Variants in LPP observed in about 807,000 individuals in gnomAD.
LPP encodes the protein LIM domain containing preferred translocation partner in lipoma, also known as lipoma-preferred partner.
LPP carries 38 observed loss-of-function variants against 60.4 expected under a neutral mutation model. That is an observed-to-expected ratio of 0.63 (90% CI 0.49 to 0.83). LPP has a LOEUF of 0.83. Ranked by LOEUF, LPP falls within the 40% of genes least tolerant of loss-of-function variation. The pLI is 0.00. For missense variants in LPP, 902 were observed against 783.6 expected, an observed-to-expected ratio of 1.15 and a Z score of -1.80; for synonymous variants, 328 against 290.8, an observed-to-expected ratio of 1.13 and a Z score of -1.30.
chr3:188,683,732 G>T lies in LPP; in HGVS notation c.1114-24535G>T, dbSNP rs949432301. 2.6e-5 allele frequency among the ~76,000 whole-genome samples: 4 copies of T among 152,320 alleles called. No homozygotes were observed. The South Asian group carries it at 8.3e-4, about 32-fold the overall frequency. On this transcript the variant is annotated intron_variant, in intron 7 of 11. Coordinates refer to ENST00000617246, the MANE Select transcript of LPP (RefSeq NM_001375462.1). The stretch of plus-strand genomic sequence containing the variant: ...GTCAGGAAATCAGAGTTGTGTTGCG[G>T]GGTGGGGAGCATGATATACATTTGT...
At chr3:188,828,770 A>G (rs1756353216) in intron 9 of LPP, among the ~76,000 whole-genome samples, 1 of 152,044 alleles carries the variant, frequency 6.6e-6, no homozygotes, top group African/African-American at 2.4e-5. Context: ...CAGGGATTCA[A>G]TGAGATGACA....
At chr3:188,764,762 A>G (rs560384750) in intron 9 of LPP, among the ~76,000 whole-genome samples, 8 of 152,312 alleles carry the variant, frequency 5.3e-5, no homozygotes, top group East Asian at 1.9e-4. Context: ...GCAAAAGTCT[A>G]TTTATGAAGT....
At chr3:188,753,185 TATC>T (rs1728648844) in intron 8 of LPP, among the ~76,000 whole-genome samples, 1 of 152,190 alleles carries the variant, frequency 6.6e-6, no homozygotes, top group African/African-American at 2.4e-5. Context: ...TCAGGTTTCT[TATC>T]TAAAAAGGAG....
chr3:188,736,596 T>C (rs1513182), intron 8 of LPP, among the ~76,000 whole-genome samples: 142,503 of 152,090 alleles, frequency 0.94, 66,805 homozygotes, highest in East Asian at 1. Context: ...TTACAATATT[T>C]CTCAAGAACT....
intron 2 of LPP, among the ~76,000 whole-genome samples, chr3:188,232,522 T>A (rs1004170126): frequency 1.3e-4 from 18 of 143,240 alleles, no homozygotes; most frequent in African/African-American, 4.8e-4. Flanking sequence ...TTTTTTTTTT[T>A]TTTTTGTATT....
chr3:188,516,564 A>G (rs1218427821), intron 5 of LPP, among the ~76,000 whole-genome samples: 2 of 151,782 alleles, frequency 1.3e-5, no homozygotes, highest in East Asian at 3.9e-4. Context: ...AGGGAAATAA[A>G]CTATAAATTC....
rs116107113 is a variant in LPP, at chr3:188,417,055, G to A, written c.193+10742G>A. On this transcript the variant is annotated intron_variant, in intron 4 of 11. Coordinates refer to ENST00000617246, the MANE Select transcript of LPP (RefSeq NM_001375462.1). ...TTTATCATCCTTTCTTAAAATTACT[G>A]CATTCAGAGAGACCTGATGGCTGAG... 4.8e-3 allele frequency among the ~76,000 whole-genome samples: 735 copies of A among 152,152 alleles called. 9 individuals carry two copies. Among genetic ancestry groups the A allele is most frequent in the African/African-American group, 0.017 (711 of 41,510 alleles).
intron 5 of LPP, among the ~76,000 whole-genome samples, chr3:188,515,057 C>T (rs1440864289): frequency 1.3e-5 from 2 of 152,180 alleles, no homozygotes; most frequent in African/African-American, 4.8e-5. Flanking sequence ...AAGCATTTAT[C>T]AAGCGTAGCA....
intron 2 of LPP, among the ~76,000 whole-genome samples, chr3:188,275,638 C>T (rs765743663): frequency 8.6e-5 from 13 of 152,028 alleles, no homozygotes; most frequent in Non-Finnish European, 1.6e-4. Context: ...AACTGGGCAT[C>T]ATTCATTTAG....
intron 8 of LPP, among the ~76,000 whole-genome samples, chr3:188,747,766 G>A (rs1470521324): frequency 2.0e-5 from 3 of 152,168 alleles, no homozygotes; most frequent in Admixed American, 6.5e-5. Flanking sequence ...TCACTTCAGC[G>A]CTCAGACAGC....
intron 10 of LPP, among the ~76,000 whole-genome samples, chr3:188,872,102 G>A (rs1219165831): frequency 3.3e-5 from 5 of 152,078 alleles, no homozygotes; most frequent in Non-Finnish European, 7.4e-5. Context: ...ATATTTAAAC[G>A]CACTAACCTC....
chr3:188,241,812 T>C (rs1416323454), intron 2 of LPP, among the ~76,000 whole-genome samples: 1 of 152,190 alleles, frequency 6.6e-6, no homozygotes, highest in Non-Finnish European at 1.5e-5. Flanking sequence ...AAAGAGTTTA[T>C]TTTCCCTATA....
intron 7 of LPP, among the ~76,000 whole-genome samples, chr3:188,663,295 T>C (rs1855013290): frequency 6.6e-6 from 1 of 152,176 alleles, no homozygotes; most frequent in South Asian, 2.1e-4. Flanking sequence ...TTTCCCTTAA[T>C]TGCATATACA....
intron 7 of LPP, among the ~76,000 whole-genome samples, chr3:188,689,571 T>C (rs1032764480): frequency 4.6e-5 from 7 of 152,240 alleles, no homozygotes; most frequent in African/African-American, 1.7e-4. Flanking sequence ...TTTATCTTTC[T>C]GTGCCTGGCT....
intron 2 of LPP, among the ~76,000 whole-genome samples, chr3:188,329,482 C>A (rs1409461723): frequency 3.9e-5 from 6 of 152,108 alleles, no homozygotes. Context: ...GGTTTACATT[C>A]CTGATCAAAA....
intron 2 of LPP, among the ~76,000 whole-genome samples, chr3:188,280,250 C>T (rs1013706859): frequency 6.6e-6 from 1 of 152,060 alleles, no homozygotes; most frequent in Non-Finnish European, 1.5e-5. Flanking sequence ...AAGGAGAAAG[C>T]GGAGCTGCAT....
intron 9 of LPP, among the ~76,000 whole-genome samples, chr3:188,833,600 G>A (rs935580149): frequency 1.3e-5 from 2 of 152,084 alleles, no homozygotes; most frequent in Admixed American, 6.6e-5. Flanking sequence ...TTCTTGAAGG[G>A]CTGTTAGAGC....
chr3:188,676,667 A>C lies in LPP; in HGVS notation c.1114-31600A>C, dbSNP rs372341726. On this transcript the variant is annotated intron_variant, in intron 7 of 11. Coordinates refer to ENST00000617246, the MANE Select transcript of LPP (RefSeq NM_001375462.1). ...CAGAAAATGAAGGCCCCTCTCCTGC[A>C]TTAAAGACCAATGTGGCCTTATAGA... 5.9e-5 allele frequency among the ~76,000 whole-genome samples: 9 copies of C among 152,324 alleles called. 1 individual carries two copies. Among genetic ancestry groups the C allele is most frequent in the Admixed American group, 2.0e-4 (3 of 15,302 alleles).
intron 8 of LPP, among the ~76,000 whole-genome samples, chr3:188,732,031 C>T (rs1036575220): frequency 1.8e-4 from 28 of 152,154 alleles, no homozygotes; most frequent in Non-Finnish European, 4.0e-4. Context: ...GGAGGAAAAG[C>T]TGTTCACCCC....
Sources: gnomAD v4.1 joint callset for allele counts (sites outside exome capture counted in the v4.1 genomes callset) on GRCh38, gnomAD v4.1.1 for gene constraint, MANE v1.5 for transcripts, NCBI Gene and HGNC (gene_info 2026-07-23, HGNC 2026-07-21) for gene names.